Variants in ACOXL observed in about 807,000 individuals in gnomAD.
ACOXL encodes acyl-CoA oxidase like, also known as acyl-coenzyme A oxidase-like protein.
ACOXL carries 70 observed loss-of-function variants against 71.9 expected under a neutral mutation model. The observed-to-expected ratio is 0.97, with a 90% CI of 0.80 to 1.19. The LOEUF (loss-of-function observed/expected upper bound fraction) is 1.19, where lower values mean the gene tolerates loss of function less well. Ranked by LOEUF, ACOXL falls within the 50% of genes most tolerant of loss-of-function variation. The pLI, the probability that ACOXL is intolerant of heterozygous loss-of-function variation, is 0.00. For synonymous variants in ACOXL, 253 were observed against 281.6 expected, an observed-to-expected ratio of 0.90 and a Z score of 1.02; for missense variants, 703 against 736.3, an observed-to-expected ratio of 0.95 and a Z score of 0.52.
intron 10 of ACOXL, among the ~76,000 whole-genome samples, chr2:110,902,469 C>T (rs2059280214): frequency 6.6e-6 from 1 of 152,054 alleles, no homozygotes; most frequent in African/African-American, 2.4e-5. Context: ...GACTCTGCCT[C>T]AAAAGCAAAC....
At chr2:111,077,587 A>C (rs1353254254) in intron 16 of ACOXL, among the ~76,000 whole-genome samples, 1 of 152,014 alleles carries the variant, frequency 6.6e-6, no homozygotes, top group East Asian at 1.9e-4. Context: ...TGCCTGAAAA[A>C]CTGCTTTTAA....
intron 10 of ACOXL, among the ~76,000 whole-genome samples, chr2:110,870,031 C>T (rs1046450473): frequency 6.6e-6 from 1 of 152,272 alleles, no homozygotes; most frequent in Non-Finnish European, 1.5e-5. Context: ...GATTCCTTCA[C>T]AGCCTATTTA....
intron 2 of ACOXL, among the ~76,000 whole-genome samples, chr2:110,771,089 G>A (rs1234412547): frequency 6.6e-6 from 1 of 152,112 alleles, no homozygotes; most frequent in Admixed American, 6.6e-5. Context: ...CATCCCTCCA[G>A]TCATTTCTGT....
intron 2 of ACOXL, among the ~76,000 whole-genome samples, chr2:110,774,104 C>A (rs1682335937): frequency 6.6e-6 from 1 of 152,196 alleles, no homozygotes; most frequent in Non-Finnish European, 1.5e-5. Flanking sequence ...ATGTAAAAAA[C>A]CAATAATTAT....
intron 2 of ACOXL, among the ~76,000 whole-genome samples, chr2:110,778,202 A>G (rs781397898): frequency 7.2e-5 from 11 of 152,108 alleles, no homozygotes; most frequent in Non-Finnish European, 1.2e-4. Context: ...TCTACCTTCT[A>G]CTGACGCTGT....
rs75539108 is a variant in ACOXL at position 110,772,239 on chromosome 2, G to A, written c.75+3775G>A. On this transcript the variant is annotated intron_variant, in intron 2 of 17. Coordinates refer to ENST00000439055, the MANE Select transcript of ACOXL (RefSeq NM_001142807.4). ...CAGGTGCTCTGCTTCCTGAGCCCAC[G>A]TCAAACAGGTGGTGCTTGCCCCTGT... Among the ~76,000 whole-genome samples, 731 of 152,266 alleles carry A rather than the reference G, an allele frequency of 4.8e-3. 2 individuals are homozygous for A. The highest frequency in any genetic ancestry group is 8.7e-3 in the Non-Finnish European group (593 of 68,024).
chr2:110,987,477 A>C (rs191647716), intron 13 of ACOXL, among the ~76,000 whole-genome samples: 5 of 152,300 alleles, frequency 3.3e-5, no homozygotes, highest in African/African-American at 1.2e-4. Context: ...TTTTAATCCT[A>C]AAAACCCCAT....
At chr2:111,109,106 A>G (rs1415296572) in intron 17 of ACOXL, among the ~76,000 whole-genome samples, 4 of 152,196 alleles carry the variant, frequency 2.6e-5, no homozygotes, top group African/African-American at 4.8e-5. Context: ...GCATCATTCC[A>G]TAGGTATTAA....
intron 2 of ACOXL, among the ~76,000 whole-genome samples, chr2:110,782,785 T>A (rs1451354078): frequency 1.3e-5 from 2 of 152,132 alleles, no homozygotes; most frequent in Non-Finnish European, 2.9e-5. Context: ...CTATGAATAG[T>A]TGGAAATTCG....
chr2:110,963,193 A>G (rs2061772940), intron 12 of ACOXL, among the ~76,000 whole-genome samples: 2 of 152,078 alleles, frequency 1.3e-5, no homozygotes, highest in South Asian at 4.2e-4. Flanking sequence ...CCTCCCGAGG[A>G]GTTTTGTAGG....
intron 10 of ACOXL, among the ~76,000 whole-genome samples, chr2:110,865,391 C>G (rs1406326827): frequency 6.6e-6 from 1 of 152,162 alleles, no homozygotes; most frequent in Non-Finnish European, 1.5e-5. Flanking sequence ...TTTGCCTTAA[C>G]TTTGCATTTC....
chr2:111,031,021 T>G (rs2065240200), intron 14 of ACOXL, among the ~76,000 whole-genome samples: 1 of 152,216 alleles, frequency 6.6e-6, no homozygotes, highest in Admixed American at 6.5e-5. Context: ...CTCGCTTCAT[T>G]AGAGTGATTG....
intron 10 of ACOXL, among the ~76,000 whole-genome samples, chr2:110,866,496 G>A (rs546371013): frequency 7.2e-5 from 11 of 152,224 alleles, no homozygotes; most frequent in Non-Finnish European, 1.0e-4. Context: ...GCAAGGCAAC[G>A]TGGAGCCAGG....
chr2:110,735,952 C>G (rs896764593), intron 1 of ACOXL, among the ~76,000 whole-genome samples: 2 of 152,070 alleles, frequency 1.3e-5, no homozygotes, highest in African/African-American at 2.4e-5. Context: ...GAAAGCCCCC[C>G]CATAGGATTC....
At position 111,034,980 on chromosome 2, in the gene ACOXL, T is replaced by A. The variant is rs550665128; in HGVS notation, c.1369+3266T>A. Among the ~76,000 whole-genome samples, 16 of 151,548 alleles carry A rather than the reference T, an allele frequency of 1.1e-4. No homozygotes were observed. The East Asian group carries it at 2.7e-3, about 26-fold the overall frequency. On this transcript the variant is annotated intron_variant, in intron 15 of 17. Coordinates refer to ENST00000439055, the MANE Select transcript of ACOXL (RefSeq NM_001142807.4). ...TCGCCCAGGCTGGAGTGTAGTGGCATGATCTCTGCTCACTACTCTGGGGAC... is the reference window on the plus strand; with the variant it reads ...TCGCCCAGGCTGGAGTGTAGTGGCAAGATCTCTGCTCACTACTCTGGGGAC...
At chr2:110,980,430 G>A (rs577458374) in intron 12 of ACOXL, among the ~76,000 whole-genome samples, 1 of 152,318 alleles carries the variant, frequency 6.6e-6, no homozygotes, top group South Asian at 2.1e-4. Context: ...GGGATGGGAA[G>A]CGAAGGGAAG....
rs182190474 is a variant in ACOXL at position 110,789,757 on chromosome 2, C to T, written c.160-3893C>T. ...AAATTCAGTCCATTTCTGGAGTCCCCGTTGTCTCAAAAAACACTTCCAGTT... is the reference window on the plus strand; with the variant it reads ...AAATTCAGTCCATTTCTGGAGTCCCTGTTGTCTCAAAAAACACTTCCAGTT... On this transcript the variant is annotated intron_variant, in intron 3 of 17. Transcript: ENST00000439055. 6.6e-5 allele frequency among the ~76,000 whole-genome samples: 10 copies of T among 152,292 alleles called. No individual in the cohort carries two copies. In the East Asian group the frequency reaches 1.2e-3, roughly 18 times the overall value.
chr2:111,062,906 C>T lies in ACOXL; in HGVS notation c.1440+13618C>T, dbSNP rs564062620. 2.2e-4 allele frequency among the ~76,000 whole-genome samples: 33 copies of T among 152,166 alleles called. No homozygotes were observed. In the South Asian group the frequency reaches 5.6e-3, roughly 26 times the overall value. The stretch of plus-strand genomic sequence containing the variant: ...TCTTTTAAAAGATCAATAAAAGTGA[C>T]AACCCTCTGGCAAGACTAACAAGAA... On this transcript the variant is annotated intron_variant, in intron 16 of 17. Coordinates refer to ENST00000439055, the MANE Select transcript of ACOXL (RefSeq NM_001142807.4).
intron 14 of ACOXL, among the ~76,000 whole-genome samples, chr2:111,017,164 C>T (rs1422806470): frequency 2.0e-5 from 3 of 152,216 alleles, no homozygotes; most frequent in Non-Finnish European, 4.4e-5. Flanking sequence ...CAGACTTGCC[C>T]TGGGGTGAGG....
Sources: allele counts gnomAD v4.1 joint callset (sites outside exome capture counted in the v4.1 genomes callset), GRCh38; gene constraint gnomAD v4.1.1; transcripts MANE v1.5; gene names NCBI Gene and HGNC (gene_info 2026-07-23, HGNC 2026-07-21).